Variants in L3MBTL4 observed in about 807,000 individuals in gnomAD.
L3MBTL4 encodes the protein lethal(3)malignant brain tumor-like protein 4.
In L3MBTL4, 70 loss-of-function variants were observed where a neutral mutation model predicts 84.5. The observed-to-expected ratio is 0.83, with a 90% CI of 0.68 to 1.01. L3MBTL4 has a LOEUF of 1.01. L3MBTL4 is among the 50% of genes least tolerant of loss of function. L3MBTL4 has a pLI of 0.00. For missense variants in L3MBTL4, 715 were observed against 754.8 expected (o/e 0.95, Z 0.62); for synonymous variants, 274 against 259.8 (o/e 1.05, Z -0.52).
intron 16 of L3MBTL4, among the ~76,000 whole-genome samples, chr18:6,036,207 T>C (rs1158109587): frequency 6.6e-6 from 1 of 152,244 alleles, no homozygotes; most frequent in Non-Finnish European, 1.5e-5. Flanking sequence ...TGGATGTTTA[T>C]ATTCATGTCT....
chr18:6,042,370 C>T (rs962749949), intron 16 of L3MBTL4, among the ~76,000 whole-genome samples: 6 of 152,112 alleles, frequency 3.9e-5, no homozygotes, highest in Admixed American at 1.3e-4. Context: ...CGTGCACACA[C>T]ACAGACACAT....
chr18:6,198,110 T>C (rs1012852230), intron 12 of L3MBTL4, among the ~76,000 whole-genome samples: 2 of 152,204 alleles, frequency 1.3e-5, no homozygotes, highest in Non-Finnish European at 2.9e-5. Flanking sequence ...TCCTTGTGGG[T>C]ATTTTACTGC....
At chr18:6,226,008 A>G (rs904256315) in intron 10 of L3MBTL4, among the ~76,000 whole-genome samples, 41 of 152,254 alleles carry the variant, frequency 2.7e-4, no homozygotes, top group African/African-American at 9.2e-4. Context: ...GAGAAGGAAC[A>G]TAACACCAGA....
chr18:6,248,243 A>G (rs1356223260), intron 5 of L3MBTL4, among the ~76,000 whole-genome samples: 1 of 152,108 alleles, frequency 6.6e-6, no homozygotes, highest in Non-Finnish European at 1.5e-5. Context: ...TTTTACCCAT[A>G]CTGTCATAAT....
intron 13 of L3MBTL4, among the ~76,000 whole-genome samples, chr18:6,143,555 G>A (rs1468360356): frequency 6.6e-6 from 1 of 152,116 alleles, no homozygotes; most frequent in African/African-American, 2.4e-5. Flanking sequence ...ACCATCAAAC[G>A]AATGTTTTTG....
At chr18:6,243,202 G>T in intron 7 of L3MBTL4, 92 bp downstream of exon 7, 1 of 1,164,222 alleles carries the variant, frequency 8.6e-7, no homozygotes, top group South Asian at 2.3e-5. Flanking sequence ...TCCACACCAG[G>T]ATCTCTTCTT....
At chr18:6,113,901 G>A (rs1598793847) in intron 14 of L3MBTL4, among the ~76,000 whole-genome samples, 1 of 152,194 alleles carries the variant, frequency 6.6e-6, no homozygotes, top group Non-Finnish European at 1.5e-5. Flanking sequence ...GGAATACAAT[G>A]TCATCACTGA....
chr18:6,180,961 C>G (rs1007518593), intron 12 of L3MBTL4, among the ~76,000 whole-genome samples: 1 of 152,190 alleles, frequency 6.6e-6, no homozygotes, highest in African/African-American at 2.4e-5. Context: ...GAACGACGTT[C>G]TGACATGCTA....
chr18:6,201,999 G>A (rs1019229167), intron 12 of L3MBTL4, among the ~76,000 whole-genome samples: 1 of 152,142 alleles, frequency 6.6e-6, no homozygotes. Flanking sequence ...GCAACTAATT[G>A]GATATGTAAA....
Position 6,251,901 on chromosome 18 carries a change from G to A in L3MBTL4, c.220-7313C>T, listed in dbSNP as rs556441472. On this transcript the variant is annotated intron_variant, in intron 5 of 18. Coordinates refer to ENST00000317931, the MANE Select transcript of L3MBTL4 (RefSeq NM_001330559.2). The stretch of plus-strand genomic sequence containing the variant: ...CAAAGAAGATGGCATCAGAACACAC[G>A]ACTACCAATTTGGAAAGAACAATTC... Among the ~76,000 whole-genome samples the A allele has an allele frequency of 5.9e-5, 9 of 152,228 alleles. No homozygotes were observed. In the South Asian group the frequency reaches 1.2e-3, roughly 21 times the overall value.
At chr18:6,233,559 A>T (rs925382780) in intron 10 of L3MBTL4, among the ~76,000 whole-genome samples, 11 of 151,196 alleles carry the variant, frequency 7.3e-5, no homozygotes, top group African/African-American at 2.5e-4. Flanking sequence ...GTGAACTCCC[A>T]TTCACAATTG....
At chr18:6,135,872 C>G (rs1391041147) in intron 14 of L3MBTL4, among the ~76,000 whole-genome samples, 1 of 152,194 alleles carries the variant, frequency 6.6e-6, no homozygotes, top group Non-Finnish European at 1.5e-5. Context: ...GTGTCCCACT[C>G]TAATGGTACC....
chr18:6,348,659 A>T (rs1340775219), intron 1 of L3MBTL4, among the ~76,000 whole-genome samples: 1 of 152,188 alleles, frequency 6.6e-6, no homozygotes, highest in Admixed American at 6.5e-5. Flanking sequence ...AATTACTTGA[A>T]TAATATACAA....
intron 13 of L3MBTL4, among the ~76,000 whole-genome samples, chr18:6,139,025 G>A (rs769064068): frequency 5.3e-5 from 8 of 152,092 alleles, no homozygotes; most frequent in Non-Finnish European, 1.0e-4. Context: ...CAAATGGGGC[G>A]TGCTGAAGAT....
chr18:6,372,628 C>T (rs1443978309), intron 1 of L3MBTL4, among the ~76,000 whole-genome samples: 1 of 152,194 alleles, frequency 6.6e-6, no homozygotes, highest in Non-Finnish European at 1.5e-5. Context: ...TCCCAGTTCA[C>T]ACCTGCTGAC....
chr18:6,225,045 C>T (rs920544209), intron 10 of L3MBTL4, among the ~76,000 whole-genome samples: 2 of 152,012 alleles, frequency 1.3e-5, no homozygotes, highest in African/African-American at 4.8e-5. Flanking sequence ...GATAAGAGTG[C>T]TATTGGAAAG....
intron 18 of L3MBTL4, among the ~76,000 whole-genome samples, chr18:5,959,735 T>A (rs1234308800): frequency 6.6e-6 from 1 of 152,088 alleles, no homozygotes; most frequent in Non-Finnish European, 1.5e-5. Context: ...ATGACACTGA[T>A]AGGTATTAAT....
intron 13 of L3MBTL4, among the ~76,000 whole-genome samples, chr18:6,143,419 A>T (rs915293753): frequency 1.3e-5 from 2 of 152,166 alleles, no homozygotes; most frequent in African/African-American, 4.8e-5. Context: ...TTCCTCATTA[A>T]ATTTTGTATG....
intron 16 of L3MBTL4, among the ~76,000 whole-genome samples, chr18:5,976,658 T>C (rs1288836938): frequency 6.6e-6 from 1 of 152,060 alleles, no homozygotes. Flanking sequence ...GTTCCATGGT[T>C]CATTTGCCCT....
Sources: allele counts gnomAD v4.1 joint callset (sites outside exome capture counted in the v4.1 genomes callset), GRCh38; gene constraint gnomAD v4.1.1; transcripts MANE v1.5; gene names NCBI Gene and HGNC (gene_info 2026-07-23, HGNC 2026-07-21).